The following EED variants were observed in gnomAD, a reference collection of about 807,000 sequenced individuals.
EED encodes polycomb protein EED.
In EED, 9 loss-of-function variants were observed where a neutral mutation model predicts 61.0. The observed-to-expected ratio is 0.15, with a 90% CI of 0.09 to 0.26. The LOEUF (loss-of-function observed/expected upper bound fraction) is 0.26. Among genes scored for constraint, EED ranks in the 10% least tolerant of loss-of-function variants. The pLI is 1.00. For synonymous variants in EED, 187 were observed against 174.4 expected (o/e 1.07, Z -0.57); for missense variants, 315 against 542.3 (o/e 0.58, Z 4.16).
chr11:86,286,545 G>T, the EED span, among the ~76,000 whole-genome samples: 15 of 152,310 alleles, frequency 9.8e-5, no homozygotes, highest in African/African-American at 3.4e-4. Context: ...TTTTCCAGAA[G>T]TGCTTAAAGA....
chr11:86,265,266 G>T (rs1424273042), intron 7 of EED: 3 of 152,114 alleles, frequency 2.0e-5, no homozygotes, highest in Non-Finnish European at 4.4e-5. Context: ...GCAAAGGCTG[G>T]ATTAACATAT....
chr11:86,247,435 C>A (rs1282563018), intron 1 of EED, among the ~76,000 whole-genome samples: 1 of 152,170 alleles, frequency 6.6e-6, no homozygotes, highest in African/African-American at 2.4e-5. Context: ...TTTATTAGCA[C>A]ATTAAGTAAC....
In EED at chr11:86,264,331, T is replaced by C; in HGVS notation, c.726+68T>C. 4 of 1,122,438 alleles carry C rather than the reference T, an allele frequency of 3.6e-6. No homozygotes were observed. The South Asian group carries it at 4.4e-5, about 12-fold the overall frequency. 69.5% of individuals were successfully genotyped at this position (1,122,438 alleles called of 1,614,324 possible). On this transcript the variant is annotated intron_variant, in intron 7 of 11. Coordinates refer to ENST00000263360, the MANE Select transcript of EED (RefSeq NM_003797.5). Reference sequence around the variant, plus strand: ...GCTGTGAACAGTCTCCATGGAACTGTTTCCTTATAAGAAAGTGTGTTTCAT... The same window carrying C: ...GCTGTGAACAGTCTCCATGGAACTGCTTCCTTATAAGAAAGTGTGTTTCAT...
intron 6 of EED, among the ~76,000 whole-genome samples, chr11:86,260,858 T>C (rs1221297004): frequency 6.6e-6 from 1 of 152,202 alleles, no homozygotes; most frequent in Non-Finnish European, 1.5e-5. Context: ...CTGAACTTAC[T>C]GTCTTAGTCC....
At chr11:86,280,432 G>T (rs1369082400), downstream of EED, among the ~76,000 whole-genome samples, 1 of 152,124 alleles carries the variant, frequency 6.6e-6, no homozygotes, top group East Asian at 1.9e-4. Flanking sequence ...TACTAAGGAA[G>T]TAACATCTCT....
At chr11:86,253,195 AG>A (rs1945579819) in intron 3 of EED, among the ~76,000 whole-genome samples, 1 of 152,184 alleles carries the variant, frequency 6.6e-6, no homozygotes, top group African/African-American at 2.4e-5. Context: ...TTTGGTGTTT[AG>A]TCAAATGTAG....
intron 3 of EED, 83 bp from the exon 4 acceptor site, chr11:86,255,139 T>G: frequency 9.2e-7 from 1 of 1,081,250 alleles, no homozygotes; most frequent in Non-Finnish European, 1.4e-6. Flanking sequence ...AAGATAGGAT[T>G]GCGATTAAAA....
chr11:86,245,419 C>A (rs934481234), intron 1 of EED, 76 bp downstream of exon 1: 8 of 1,245,060 alleles, frequency 6.4e-6, no homozygotes, highest in Non-Finnish European at 9.0e-6. Context: ...GGCGCGGGGA[C>A]GAGCGGGCTG....
rs1946244879 is a variant in EED, at chr11:86,276,840, G to A, written c.967-140G>A. 7 of 559,980 alleles carry A rather than the reference G, an allele frequency of 1.3e-5. No homozygotes were observed. In the East Asian group the frequency reaches 2.3e-4, roughly 19 times the overall value. 34.7% of individuals were successfully genotyped at this position (559,980 alleles called of 1,614,324 possible). On this transcript the variant is annotated intron_variant, in intron 9 of 11. Transcript: ENST00000263360. ...TCATTGACTGTAAATATAAATGAAT[G>A]TACATCACTGTACTTGATAGATGGA...
Position 86,259,605 on chromosome 11 carries a change from A to G in EED, c.634+2009A>G, listed in dbSNP as rs988606314. On this transcript the variant is annotated intron_variant, in intron 6 of 11. Transcript: ENST00000263360. The stretch of plus-strand genomic sequence containing the variant: ...ACTGCTGGGATTACAGGCATGAGCC[A>G]TGATTCCCAGCTAATAAGGGACGTG... Among the ~76,000 whole-genome samples, 3 of 152,222 alleles carry G rather than the reference A, an allele frequency of 2.0e-5. No individual in the cohort carries two copies. The South Asian group carries it at 6.2e-4, about 32-fold the overall frequency.
In EED at chr11:86,245,215, G is replaced by T. The variant is rs1209833358; in HGVS notation, c.-15G>T. The T allele has an allele frequency of 6.2e-7, 1 of 1,608,948 alleles. No homozygotes were observed. Among genetic ancestry groups the T allele is most frequent in the Non-Finnish European group, 8.5e-7 (1 of 1,177,262 alleles). Reference sequence around the variant, plus strand: ...CCGCCCCAGGCGGCAGGAACCTGGAGGGAGGCGGAGGAATATGTCCGAGAG... The same window carrying T: ...CCGCCCCAGGCGGCAGGAACCTGGATGGAGGCGGAGGAATATGTCCGAGAG... On this transcript the variant is annotated 5_prime_UTR_variant, in exon 1 of 12. It adds an upstream start codon to the 5' untranslated region. Transcript: ENST00000263360.
intron 9 of EED, among the ~76,000 whole-genome samples, chr11:86,274,569 C>T (rs1946186667): frequency 6.6e-6 from 1 of 152,086 alleles, no homozygotes; most frequent in Non-Finnish European, 1.5e-5. Context: ...AGTCTGGGTT[C>T]CCCACTCGGT....
intron 3 of EED, among the ~76,000 whole-genome samples, chr11:86,254,285 C>G (rs1294145338): frequency 6.6e-6 from 1 of 150,988 alleles, no homozygotes; most frequent in African/African-American, 2.4e-5. Context: ...CCAAAACTAT[C>G]CAAAGACTTA....
intron 2 of EED, 93 bp downstream of exon 2, chr11:86,250,541 G>T: frequency 7.7e-7 from 1 of 1,305,564 alleles, no homozygotes; most frequent in Non-Finnish European, 1.0e-6. Context: ...ACTCTGTCAA[G>T]TTGTAAATAT....
intron 4 of EED, 60 bp downstream of exon 4, chr11:86,255,347 C>A: frequency 7.5e-7 from 1 of 1,327,676 alleles, no homozygotes; most frequent in South Asian, 1.3e-5. Context: ...AATAAGTGCA[C>A]CAAAACTTTT....
rs751212980 is a variant in EED at position 86,266,063 on chromosome 11, CTT to C, written c.727-16_727-15del. The C allele has an allele frequency of 6.4e-7, 1 of 1,559,600 alleles. No individual in the cohort carries two copies. Among genetic ancestry groups the C allele is most frequent in the Admixed American group, 2.0e-5 (1 of 49,394 alleles). On this transcript the variant is annotated intron_variant, in intron 7 of 11. Transcript: ENST00000263360. ...ATTTGGAGCTGTAATTTATATAAAA[CTT>C]TTTGGTTTTGCATACAGGATTATGA...
At chr11:86,271,266 C>T (rs1453074335) in intron 9 of EED, among the ~76,000 whole-genome samples, 2 of 152,100 alleles carry the variant, frequency 1.3e-5, no homozygotes, top group African/African-American at 2.4e-5. Context: ...TAGATTTATA[C>T]CTAAGTATTT....
At chr11:86,260,378 C>T (rs566261583) in intron 6 of EED, among the ~76,000 whole-genome samples, 1 of 142,630 alleles carries the variant, frequency 7.0e-6, no homozygotes, top group East Asian at 2.1e-4. Context: ...ATGTGCACAC[C>T]ACCATGCCTG....
At chr11:86,255,369 A>C (rs761747411) in intron 4 of EED, 82 bp downstream of exon 4, 151 of 1,112,046 alleles carry the variant, frequency 1.4e-4, no homozygotes, top group Admixed American at 8.5e-4. Flanking sequence ...TAAATTAATC[A>C]TTTCCCTAAA....
Sources: allele counts gnomAD v4.1 joint callset (sites outside exome capture counted in the v4.1 genomes callset), GRCh38; gene constraint gnomAD v4.1.1; transcripts MANE v1.5; gene names NCBI Gene and HGNC (gene_info 2026-07-23, HGNC 2026-07-21).